CLTA: variants seen among roughly 807,000 people sequenced by gnomAD.
CLTA encodes the protein clathrin light chain A, also known as clathrin, light polypeptide (Lca).
Under a neutral mutation model 26.9 loss-of-function variants are expected in CLTA, and 9 were observed. The observed-to-expected ratio is 0.33, with a 90% confidence interval of 0.20 to 0.58. The LOEUF (loss-of-function observed/expected upper bound fraction) is 0.58, where lower values mean the gene tolerates loss of function less well. Ranked by LOEUF, CLTA falls within the 20% of genes least tolerant of loss-of-function variation. The pLI, the probability that CLTA is intolerant of heterozygous loss-of-function variation, is 0.85. For missense variants in CLTA, 278 were observed against 294.2 expected, an observed-to-expected ratio of 0.94 and a Z score of 0.40; for synonymous variants, 120 against 115.5, an observed-to-expected ratio of 1.04 and a Z score of -0.25.
rs1388728861 is a variant in CLTA, at chr9:36,192,575, A to G, written c.217+1302A>G. On this transcript the variant is annotated intron_variant, in intron 1 of 4. Coordinates refer to ENST00000345519, the MANE Select transcript of CLTA (RefSeq NM_001833.4). ...TGGACTAAACTAGGCTGTGATTGTG[A>G]GATGAAGTTGGCCTTAAGTGATTAG... Among the ~76,000 whole-genome samples, 3 of 152,180 alleles carry G rather than the reference A, an allele frequency of 2.0e-5. No individual in the cohort carries two copies. The East Asian group carries it at 5.8e-4, about 29-fold the overall frequency.
intron 1 of CLTA, 100 bp downstream of exon 1, chr9:36,191,373 A>G: frequency 7.5e-7 from 1 of 1,338,326 alleles, no homozygotes; most frequent in East Asian, 2.8e-5. Flanking sequence ...TTGCTGAATT[A>G]GGAGGTTAGG....
intron 1 of CLTA, among the ~76,000 whole-genome samples, chr9:36,192,491 A>G (rs559604998): frequency 1.1e-4 from 16 of 152,330 alleles, no homozygotes; most frequent in African/African-American, 3.6e-4. Context: ...CAGTCCCCCA[A>G]TAAGAACTTA....
At chr9:36,192,203 TG>T (rs1826775400) in intron 1 of CLTA, among the ~76,000 whole-genome samples, 1 of 152,230 alleles carries the variant, frequency 6.6e-6, no homozygotes, top group Admixed American at 6.5e-5. Context: ...AGGGCACTAC[TG>T]GGGCATATAG....
intron 3 of CLTA, among the ~76,000 whole-genome samples, chr9:36,201,987 T>C (rs973357742): frequency 6.6e-6 from 1 of 151,804 alleles, no homozygotes; most frequent in Non-Finnish European, 1.5e-5. Flanking sequence ...GGTGCACGCT[T>C]GTGGTCCCAG....
intron 1 of CLTA, among the ~76,000 whole-genome samples, chr9:36,195,245 A>G (rs1346418676): frequency 6.6e-6 from 1 of 152,252 alleles, no homozygotes; most frequent in Non-Finnish European, 1.5e-5. Context: ...GGCCTTCAGC[A>G]TAAAAGCAGA....
chr9:36,206,960 C>G (rs892198071), intron 4 of CLTA, among the ~76,000 whole-genome samples: 1 of 152,122 alleles, frequency 6.6e-6, no homozygotes, highest in African/African-American at 2.4e-5. Flanking sequence ...CTCTGGGTGA[C>G]TTCTGCAGTA....
intron 2 of CLTA, 64 bp downstream of exon 2, chr9:36,197,652 A>C: frequency 7.7e-7 from 1 of 1,298,262 alleles, no homozygotes; most frequent in Non-Finnish European, 1.1e-6. Flanking sequence ...TGTGATTTTA[A>C]TTGACTGACC....
intron 4 of CLTA, among the ~76,000 whole-genome samples, chr9:36,205,159 A>G (rs1178385079): frequency 6.6e-6 from 1 of 152,090 alleles, no homozygotes; most frequent in Non-Finnish European, 1.5e-5. Flanking sequence ...ACTCTCTTTT[A>G]TATGCTAGCA....
At chr9:36,208,734 G>A (rs1827862474) in intron 4 of CLTA, among the ~76,000 whole-genome samples, 1 of 152,194 alleles carries the variant, frequency 6.6e-6, no homozygotes, top group Admixed American at 6.5e-5. Flanking sequence ...CAGGAAGGTG[G>A]CGTGGCTTTC....
chr9:36,210,566 T>A, intron 4 of CLTA: 1 of 1,613,300 alleles, frequency 6.2e-7, no homozygotes, highest in Admixed American at 1.7e-5. Context: ...GAGCTCATTC[T>A]CATTTTCTAT....
chr9:36,200,613 G>A (rs1827351165), intron 3 of CLTA, among the ~76,000 whole-genome samples: 1 of 152,164 alleles, frequency 6.6e-6, no homozygotes, highest in South Asian at 2.1e-4. Flanking sequence ...TCCAATTTAG[G>A]TGGCTTTCAG....
chr9:36,202,297 C>T (rs1430423047), intron 3 of CLTA, among the ~76,000 whole-genome samples: 1 of 152,144 alleles, frequency 6.6e-6, no homozygotes, highest in African/African-American at 2.4e-5. Flanking sequence ...TACACACAGC[C>T]TTTTGCAGGT....
chr9:36,207,130 G>T (rs7850868), intron 4 of CLTA, among the ~76,000 whole-genome samples: 14,395 of 152,222 alleles, frequency 0.095, 923 homozygotes, highest in East Asian at 0.17. Context: ...CTAGGAGCAC[G>T]TCGCGCCTGG....
At chr9:36,198,919 A>T in intron 2 of CLTA, 60 bp from the exon 3 acceptor site, 2 of 1,067,670 alleles carry the variant, frequency 1.9e-6, no homozygotes, top group Non-Finnish European at 2.9e-6. Context: ...AACTCAGGTG[A>T]AGTGCATTTT....
At chr9:36,205,974 A>G (rs1294095343) in intron 4 of CLTA, among the ~76,000 whole-genome samples, 2 of 151,894 alleles carry the variant, frequency 1.3e-5, no homozygotes, top group Non-Finnish European at 2.9e-5. Context: ...GTTAGCCAGG[A>G]TGGTCTCGAT....
At chr9:36,201,656 G>T (rs1390541069) in intron 3 of CLTA, among the ~76,000 whole-genome samples, 1 of 152,134 alleles carries the variant, frequency 6.6e-6, no homozygotes, top group African/African-American at 2.4e-5. Context: ...AATCAAAAAG[G>T]TAATTATTTG....
chr9:36,190,955 C>G lies in CLTA; in HGVS notation c.-102C>G. On this transcript the variant is annotated 5_prime_UTR_variant, in exon 1 of 5. Transcript: ENST00000345519. Reference sequence around the variant, plus strand: ...CCGTCTCCCTCCTGGCGCTTGTCCTCCTCTCCCAGTCGGCACCACAGCGGT... The same window carrying G: ...CCGTCTCCCTCCTGGCGCTTGTCCTGCTCTCCCAGTCGGCACCACAGCGGT... 6.9e-7 allele frequency: 1 copy of G among 1,439,122 alleles called. No homozygotes were observed. Among genetic ancestry groups the G allele is most frequent in the South Asian group, 1.5e-5 (1 of 67,320 alleles). 89.1% of individuals were successfully genotyped at this position (1,439,122 alleles called of 1,614,324 possible). A position where few individuals can be genotyped will look rare whatever the true frequency, so the allele number is the denominator to read the frequency against.
At chr9:36,197,707 G>A (rs890492292) in intron 2 of CLTA, 119 bp downstream of exon 2, 4 of 710,856 alleles carry the variant, frequency 5.6e-6, no homozygotes, top group Middle Eastern at 3.3e-4. Context: ...TGTATTACTG[G>A]CTGGTGTGTT....
intron 3 of CLTA, among the ~76,000 whole-genome samples, chr9:36,202,788 C>T (rs1014029799): frequency 4.6e-5 from 7 of 151,784 alleles, no homozygotes; most frequent in Non-Finnish European, 1.0e-4. Flanking sequence ...CTTCAAGTGT[C>T]AGCTGCCTCA....
Sources: gnomAD v4.1 joint callset for allele counts (sites outside exome capture counted in the v4.1 genomes callset) on GRCh38, gnomAD v4.1.1 for gene constraint, MANE v1.5 for transcripts, NCBI Gene and HGNC (gene_info 2026-07-23, HGNC 2026-07-21) for gene names.